RBM6: variants seen among roughly 807,000 people sequenced by gnomAD.
The protein encoded by RBM6 is RNA binding motif protein 6.
In RBM6, 23 loss-of-function variants were observed where a neutral mutation model predicts 140.4. The observed-to-expected ratio is 0.16, with a 90% CI of 0.12 to 0.23. The LOEUF (loss-of-function observed/expected upper bound fraction) is 0.23, where lower values mean the gene tolerates loss of function less well. RBM6 is among the 10% of genes least tolerant of loss of function. RBM6 has a pLI of 1.00. For missense variants in RBM6, 1,139 were observed against 1,386.7 expected (o/e 0.82, Z 2.84); for synonymous variants, 439 against 475.6 (o/e 0.92, Z 1.00).
intron 1 of RBM6, among the ~76,000 whole-genome samples, chr3:49,946,800 G>A (rs2108571525): frequency 6.6e-6 from 1 of 151,196 alleles, no homozygotes; most frequent in Non-Finnish European, 1.5e-5. Flanking sequence ...CTCCCAAGGT[G>A]CTGGGATTAC....
At chr3:49,984,631 G>A (rs139738301) in intron 5 of RBM6, among the ~76,000 whole-genome samples, 2,157 of 47,180 alleles carry the variant, frequency 0.046, 76 homozygotes, top group African/African-American at 0.15. Context: ...GCATCGCATC[G>A]CATCGCATCG....
chr3:50,049,822 A>G (rs1215049982), intron 7 of RBM6, among the ~76,000 whole-genome samples: 1 of 91,008 alleles, frequency 1.1e-5, no homozygotes, highest in African/African-American at 4.7e-5. Context: ...AATGTTGTGC[A>G]GCTATCAACA....
At chr3:50,051,774 G>A (rs914910932) in intron 7 of RBM6, among the ~76,000 whole-genome samples, 2 of 152,196 alleles carry the variant, frequency 1.3e-5, no homozygotes, top group African/African-American at 2.4e-5. Context: ...ATTGGCTGAT[G>A]GATGGATGAA....
chr3:49,993,394 C>G (rs1332048324), intron 5 of RBM6, among the ~76,000 whole-genome samples: 1 of 152,190 alleles, frequency 6.6e-6, no homozygotes, highest in Non-Finnish European at 1.5e-5. Flanking sequence ...ATAATCCCAG[C>G]ACTTTGGGAG....
intron 19 of RBM6, among the ~76,000 whole-genome samples, chr3:50,074,133 A>G (rs888082453): frequency 2.0e-5 from 3 of 152,026 alleles, no homozygotes; most frequent in Admixed American, 2.0e-4. Flanking sequence ...CCGGCCACCA[A>G]GCAGCCTTAC....
Position 49,967,908 on chromosome 3 carries a change from C to T in RBM6, c.483C>T (p.His161=), listed in dbSNP as rs112249551. The T allele has an allele frequency of 4.3e-5, 69 of 1,613,836 alleles. 2 individuals carry two copies. Among genetic ancestry groups the T allele is most frequent in the African/African-American group, 3.5e-4 (26 of 74,994 alleles). ...PHMNYRDRDA[H]AVDFRGRDAP... is the part of the protein sequence containing the mutation. ...TGAACTACAGAGACAGGGATGCTCACGCTGTTGACTTCAGAGGTAGGGATG... is the reference window on the plus strand; with the variant it reads ...TGAACTACAGAGACAGGGATGCTCATGCTGTTGACTTCAGAGGTAGGGATG... The change falls in exon 3 of 21, where the codon CAC becomes CAT. Residue 161 remains histidine, a synonymous_variant. Transcript: ENST00000266022. The surrounding 1 kb of genome is among the most constrained non-coding windows in gnomAD (Gnocchi z 4.0).
At chr3:50,047,373 G>A in intron 6 of RBM6, 1 of 979,078 alleles carries the variant, frequency 1.0e-6, no homozygotes, top group East Asian at 1.1e-4. Context: ...TCAGTAGGCA[G>A]AGAATTTTTT....
chr3:49,991,098 A>G (rs946028650), intron 5 of RBM6, among the ~76,000 whole-genome samples: 8 of 152,316 alleles, frequency 5.3e-5, no homozygotes, highest in African/African-American at 1.9e-4. Flanking sequence ...TTCAGATTTG[A>G]TAACTTTCTA....
chr3:50,006,144 CT>C (rs1169238410), intron 6 of RBM6, among the ~76,000 whole-genome samples: 2,110 of 112,754 alleles, frequency 0.019, 26 homozygotes, highest in African/African-American at 0.051. Context: ...CTGATTGAGA[CT>C]TTTTTTTTTT....
chr3:49,972,159 T>C lies in RBM6; in HGVS notation c.1413+11T>C. On this transcript the variant is annotated intron_variant, in intron 4 of 20. Transcript: ENST00000266022. The stretch of plus-strand genomic sequence containing the variant: ...GCCACAAAAGAAGAGGTAAGGCATG[T>C]CTTCTCTCCTGTTTCTCTGTGTCAA... The C allele has an allele frequency of 6.4e-7, 1 of 1,569,778 alleles. No homozygotes were observed.
intron 4 of RBM6, among the ~76,000 whole-genome samples, chr3:49,974,445 C>T (rs1430790393): frequency 6.7e-6 from 1 of 149,934 alleles, no homozygotes; most frequent in African/African-American, 2.5e-5. Flanking sequence ...GATCTTGGCT[C>T]ACTGCAAGCT....
chr3:49,940,845 AT>A (rs1299269126), intron 1 of RBM6: 1 of 137,626 alleles, frequency 7.3e-6, no homozygotes, highest in East Asian at 2.1e-4. Flanking sequence ...TTTTCTCTTT[AT>A]TTTAGAATTG....
intron 6 of RBM6, among the ~76,000 whole-genome samples, chr3:50,011,392 T>C (rs901437194): frequency 4.6e-5 from 7 of 151,718 alleles, no homozygotes; most frequent in Non-Finnish European, 7.3e-5. Flanking sequence ...CTTTGAGTTA[T>C]TCACAGTTAA....
At chr3:50,042,490 T>G (rs1030453125) in intron 6 of RBM6, among the ~76,000 whole-genome samples, 2 of 152,128 alleles carry the variant, frequency 1.3e-5, no homozygotes, top group African/African-American at 4.8e-5. Context: ...CTCAACACTT[T>G]GGGAAGCTGA....
chr3:50,039,483 C>A (rs1575775297), intron 6 of RBM6, among the ~76,000 whole-genome samples: 1 of 1,372 alleles, frequency 7.3e-4, no homozygotes, highest in African/African-American at 2.1e-3. Flanking sequence ...AGGTGATCCA[C>A]CCCCCCCCCC....
intron 19 of RBM6, among the ~76,000 whole-genome samples, chr3:50,072,143 C>A (rs1213876729): frequency 7.1e-6 from 1 of 140,926 alleles, no homozygotes; most frequent in Non-Finnish European, 1.5e-5. Flanking sequence ...TGTGGTGGCT[C>A]ACACCTGTAA....
intron 6 of RBM6, among the ~76,000 whole-genome samples, chr3:50,024,700 T>C (rs2087701328): frequency 6.6e-6 from 1 of 152,206 alleles, no homozygotes; most frequent in Non-Finnish European, 1.5e-5. Context: ...ACGCCTGTTA[T>C]CCCAGCACTT....
At chr3:49,953,202 C>T (rs1188117381) in intron 1 of RBM6, among the ~76,000 whole-genome samples, 1 of 149,088 alleles carries the variant, frequency 6.7e-6, no homozygotes, top group East Asian at 2.0e-4. Flanking sequence ...ACCTTAGGGG[C>T]GTGCCATCAC....
chr3:49,972,919 C>T (rs556354329), intron 4 of RBM6, among the ~76,000 whole-genome samples: 75 of 152,246 alleles, frequency 4.9e-4, no homozygotes, highest in African/African-American at 1.7e-3. Flanking sequence ...CAACCTCCAC[C>T]TCCCCAGTTC....
Sources: allele counts gnomAD v4.1 joint callset (sites outside exome capture counted in the v4.1 genomes callset), GRCh38; gene constraint gnomAD v4.1.1; non-coding constraint Gnocchi (gnomAD v3.1); transcripts MANE v1.5; gene names NCBI Gene and HGNC (gene_info 2026-07-23, HGNC 2026-07-21).